The following GPRC5A variants were observed in gnomAD, a reference collection of about 807,000 sequenced individuals.
The protein encoded by GPRC5A is G protein-coupled receptor class C group 5 member A.
GPRC5A carries 19 observed loss-of-function variants against 22.5 expected under a neutral mutation model. That is an observed-to-expected ratio of 0.85 (90% CI 0.59 to 1.24). The LOEUF (loss-of-function observed/expected upper bound fraction) is 1.24, where lower values mean the gene tolerates loss of function less well. Among genes scored for constraint, GPRC5A ranks in the 50% most tolerant of loss-of-function variants. The pLI is 0.00. For missense variants in GPRC5A, 471 were observed against 451.1 expected (o/e 1.04, Z -0.40); for synonymous variants, 192 against 184.5 (o/e 1.04, Z -0.33).
rs1434536988 is a variant in GPRC5A, at chr12:12,915,467, A to C, written c.*2928A>C. 1.3e-5 allele frequency: 2 copies of C among 152,866 alleles called. No homozygotes were observed. Among genetic ancestry groups the C allele is most frequent in the African/African-American group, 4.8e-5 (2 of 41,450 alleles). The allele number at this position is 152,866 out of a possible 1,614,324, so 9.5% of individuals were successfully genotyped here. ...GCTTTGGCCTCCCACAAGTGCTGGG[A>C]TTACAGGCGTGAGCTACTGCACCCG... On this transcript the variant is annotated 3_prime_UTR_variant, in exon 4 of 4. Transcript: ENST00000014914.
At chr12:12,895,610 G>C (rs1210677287) in intron 1 of GPRC5A, among the ~76,000 whole-genome samples, 1 of 151,550 alleles carries the variant, frequency 6.6e-6, no homozygotes, top group African/African-American at 2.4e-5. Context: ...GAACTTGTTG[G>C]ATCCAGTGAA....
chr12:12,910,818 C>T (rs1196029342), intron 2 of GPRC5A, among the ~76,000 whole-genome samples: 1 of 151,966 alleles, frequency 6.6e-6, no homozygotes, highest in African/African-American at 2.4e-5. Flanking sequence ...TCTCCAGTGT[C>T]AGCTGCAAGG....
At chr12:12,900,705 A>G (rs1863874228) in intron 1 of GPRC5A, among the ~76,000 whole-genome samples, 1 of 151,996 alleles carries the variant, frequency 6.6e-6, no homozygotes, top group South Asian at 2.1e-4. Flanking sequence ...AGCCTGACCA[A>G]CATGGAGAAA....
rs192254879 is a variant in GPRC5A, at chr12:12,913,657, T to A, written c.*1118T>A. On this transcript the variant is annotated 3_prime_UTR_variant, in exon 4 of 4. Coordinates refer to ENST00000014914, the MANE Select transcript of GPRC5A (RefSeq NM_003979.4). ...CACTCTTTCATGGTGGTGGCAGCAG[T>A]TACCAGTAATGAGCATTAGACTCTG... 3 of 152,324 alleles carry A rather than the reference T, an allele frequency of 2.0e-5. No homozygotes were observed. The highest frequency in any genetic ancestry group is 4.4e-5 in the Non-Finnish European group (3 of 68,022). 9.4% of individuals were successfully genotyped at this position (152,324 alleles called of 1,614,324 possible).
Position 12,912,970 on chromosome 12 carries a change from A to ATAAGG in GPRC5A, c.*431_*432insTAAGG. ...CCAAAGTGCTGGGATGACAGGCGTG[A>ATAAGG]GCCACAGCTCCCAGCCTAGGCCCTT... On this transcript the variant is annotated 3_prime_UTR_variant, in exon 4 of 4. Transcript: ENST00000014914. The ATAAGG allele has an allele frequency of 6.1e-6, 1 of 162,886 alleles. No homozygotes were observed. The highest frequency in any genetic ancestry group is 1.8e-4 in the East Asian group (1 of 5,542). 10.1% of individuals were successfully genotyped at this position (162,886 alleles called of 1,614,324 possible).
At chr12:12,904,057 C>T (rs1346990380) in intron 1 of GPRC5A, among the ~76,000 whole-genome samples, 4 of 152,160 alleles carry the variant, frequency 2.6e-5, no homozygotes, top group Non-Finnish European at 5.9e-5. Context: ...AGGGAAATAC[C>T]TTTCCTGCTA....
Position 12,917,830 on chromosome 12 carries a change from G to A in GPRC5A, c.*5291G>A, listed in dbSNP as rs1036539734. 2.6e-5 allele frequency: 4 copies of A among 152,158 alleles called. No individual in the cohort carries two copies. The highest frequency in any genetic ancestry group is 9.7e-5 in the African/African-American group (4 of 41,438). The allele number at this position is 152,158 out of a possible 1,614,324, so 9.4% of individuals were successfully genotyped here. ...CAAGACTGATGGAAAGGGTGGTGGG[G>A]CAACACTGCTTAATGGATGCCTTTT... On this transcript the variant is annotated 3_prime_UTR_variant, in exon 4 of 4. Transcript: ENST00000014914.
Position 12,914,548 on chromosome 12 carries a change from T to TCTTCCTTC in GPRC5A, c.*2013_*2014insCTTCCTTC, listed in dbSNP as rs879894239. ...TCTCTCTTTCCTTCCTTCCTTCCTT[T>TCTTCCTTC]CTTCTTTCTTTCTTTCTTTCTTTCT... is the stretch of plus-strand genomic sequence containing the variant. On this transcript the variant is annotated 3_prime_UTR_variant, in exon 4 of 4. Coordinates refer to ENST00000014914, the MANE Select transcript of GPRC5A (RefSeq NM_003979.4). 1.0e-5 allele frequency: 1 copy of TCTTCCTTC among 98,082 alleles called. No homozygotes were observed. The highest frequency in any genetic ancestry group is 4.1e-5 in the African/African-American group (1 of 24,452). The allele number at this position is 98,082 out of a possible 1,614,324, so 6.1% of individuals were successfully genotyped here. A position where few individuals can be genotyped will look rare whatever the true frequency, so the allele number is the denominator to read the frequency against.
In GPRC5A at chr12:12,914,647, ACT is replaced by A. The variant is rs1304846294; in HGVS notation, c.*2111_*2112del. On this transcript the variant is annotated 3_prime_UTR_variant, in exon 4 of 4. Transcript: ENST00000014914. ...TTCTTTCTTTTTGAGATAGAGTCTC[ACT>A]CTGTCATCCAGGCTGGAGTGCAGTG... The A allele has an allele frequency of 1.6e-5, 2 of 125,010 alleles. No homozygotes were observed. The highest frequency in any genetic ancestry group is 6.2e-5 in the African/African-American group (2 of 32,428). 7.7% of individuals were successfully genotyped at this position (125,010 alleles called of 1,614,324 possible).
At position 12,914,071 on chromosome 12, in the gene GPRC5A, C is replaced by G. The variant is rs1167072433; in HGVS notation, c.*1532C>G. 3 of 152,192 alleles carry G rather than the reference C, an allele frequency of 2.0e-5. No homozygotes were observed. Among genetic ancestry groups the G allele is most frequent in the Non-Finnish European group, 4.4e-5 (3 of 68,040 alleles). 9.4% of individuals were successfully genotyped at this position (152,192 alleles called of 1,614,324 possible). A position where few individuals can be genotyped will look rare whatever the true frequency, so the allele number is the denominator to read the frequency against. ...TGTGACACCTAACCATGATAATTGA[C>G]TTAATCCAAGAAAGAGCTCTGTAGG... On this transcript the variant is annotated 3_prime_UTR_variant, in exon 4 of 4. Coordinates refer to ENST00000014914, the MANE Select transcript of GPRC5A (RefSeq NM_003979.4).
chr12:12,901,782 A>C lies in GPRC5A; in HGVS notation c.-7-6461A>C, dbSNP rs1037124488. Reference sequence around the variant, plus strand: ...GGCATCAAAAAAAAAAAAAAAAAAAAACCATCCTGGAGGAAAGGACCTCTA... The same window carrying C: ...GGCATCAAAAAAAAAAAAAAAAAAACACCATCCTGGAGGAAAGGACCTCTA... On this transcript the variant is annotated intron_variant, in intron 1 of 3. Transcript: ENST00000014914. Among the ~76,000 whole-genome samples the C allele has an allele frequency of 4.0e-5, 6 of 151,006 alleles. No homozygotes were observed. In the South Asian group the frequency reaches 8.3e-4, roughly 21 times the overall value.
chr12:12,906,731 T>G (rs1286304639), intron 1 of GPRC5A, among the ~76,000 whole-genome samples: 1 of 152,074 alleles, frequency 6.6e-6, no homozygotes, highest in Non-Finnish European at 1.5e-5. Flanking sequence ...TTTCATAACT[T>G]TTCGGAATTA....
At chr12:12,900,702 C>T (rs1565463470) in intron 1 of GPRC5A, among the ~76,000 whole-genome samples, 1 of 151,882 alleles carries the variant, frequency 6.6e-6, no homozygotes, top group Non-Finnish European at 1.5e-5. Flanking sequence ...ACCAGCCTGA[C>T]CAACATGGAG....
intron 2 of GPRC5A, chr12:12,909,392 A>G: frequency 2.0e-6 from 1 of 501,520 alleles, no homozygotes; most frequent in East Asian, 3.1e-5. Context: ...TACTTTGTAC[A>G]ATTGGTGTAG....
rs190900683 is a variant in GPRC5A at position 12,899,113 on chromosome 12, C to T, written c.-8+7449C>T. ...GCATGATCATAGTTCACTGCAGCCT[C>T]GAGTTCCTGGGCTCAAGCAATCCTC... is the stretch of plus-strand genomic sequence containing the variant. On this transcript the variant is annotated intron_variant, in intron 1 of 3. Transcript: ENST00000014914. 2.6e-5 allele frequency among the ~76,000 whole-genome samples: 4 copies of T among 152,258 alleles called. No individual in the cohort carries two copies. The East Asian group carries it at 7.7e-4, about 29-fold the overall frequency.
rs7136666 is a variant in GPRC5A, at chr12:12,902,876, T to A, written c.-7-5367T>A. The stretch of plus-strand genomic sequence containing the variant: ...TGAGGTCGGGTATTTGAGACCAGCC[T>A]GATCAACATGGAGAAACCCTGTCTC... On this transcript the variant is annotated intron_variant, in intron 1 of 3. Transcript: ENST00000014914. 2.4e-3 allele frequency among the ~76,000 whole-genome samples: 358 copies of A among 152,292 alleles called. 3 individuals carry two copies. The highest frequency in any genetic ancestry group is 8.1e-3 in the African/African-American group (336 of 41,576).
Position 12,917,304 on chromosome 12 carries a change from C to G in GPRC5A, c.*4765C>G, listed in dbSNP as rs1157686096. On this transcript the variant is annotated 3_prime_UTR_variant, in exon 4 of 4. Transcript: ENST00000014914. ...CCTGATTTCTGCAACCTCCAGATTT[C>G]TTTCTTGACCCTTCAAAGTGGAACA... 3 of 151,622 alleles carry G rather than the reference C, an allele frequency of 2.0e-5. No homozygotes were observed. Among genetic ancestry groups the G allele is most frequent in the South Asian group, 4.2e-4 (2 of 4,784 alleles). 9.4% of individuals were successfully genotyped at this position (151,622 alleles called of 1,614,324 possible).
chr12:12,897,093 G>A (rs376886778), intron 1 of GPRC5A, among the ~76,000 whole-genome samples: 18 of 152,072 alleles, frequency 1.2e-4, no homozygotes, highest in South Asian at 8.3e-4. Flanking sequence ...TGGATGTGGT[G>A]GCGCATGCTT....
chr12:12,900,862 C>G (rs1240664637), intron 1 of GPRC5A, among the ~76,000 whole-genome samples: 1 of 124,278 alleles, frequency 8.0e-6, no homozygotes, highest in Non-Finnish European at 1.6e-5. Flanking sequence ...TGCACTCCAG[C>G]CTGGGCAACA....
Sources: gnomAD v4.1 joint callset for allele counts (sites outside exome capture counted in the v4.1 genomes callset) on GRCh38, gnomAD v4.1.1 for gene constraint, MANE v1.5 for transcripts, NCBI Gene and HGNC (gene_info 2026-07-23, HGNC 2026-07-21) for gene names.